The following B3GNT5 variants were observed in gnomAD, a reference collection of about 807,000 sequenced individuals.
B3GNT5 encodes lactosylceramide 1,3-N-acetyl-beta-D-glucosaminyltransferase.
A neutral mutation model predicts 25.9 loss-of-function variants in B3GNT5; 11 were observed. The ratio of observed to expected loss-of-function variants is 0.42; its 90% CI spans 0.27 to 0.70. The LOEUF is 0.70. Ranked by LOEUF, B3GNT5 falls within the 30% of genes least tolerant of loss-of-function variation. The pLI is 0.23. For synonymous variants in B3GNT5, 166 were observed against 158.6 expected (o/e 1.05, Z -0.35); for missense variants, 385 against 458.4 (o/e 0.84, Z 1.46).
chr3:183,260,468 A>T (rs1725481275), intron 1 of B3GNT5, among the ~76,000 whole-genome samples: 1 of 152,104 alleles, frequency 6.6e-6, no homozygotes, highest in Admixed American at 6.5e-5. Context: ...CGAGTGTTTG[A>T]CCTCTCTGAG....
rs777744768 is a variant in B3GNT5, at chr3:183,270,283, T to C, written c.485T>C (p.Val162Ala). Reference sequence around the variant, plus strand: ...AATGATATAATTCAGCAAGACTTTGTTGATTCTTTCTACAATCTTACTCTG... The same window carrying C: ...AATGATATAATTCAGCAAGACTTTGCTGATTCTTTCTACAATCTTACTCTG... The part of the protein sequence containing the change: ...RYNDIIQQDF[V>A]DSFYNLTLKL... The change falls in exon 2 of 2, where the codon GTT (valine) becomes GCT (alanine). Residue 162 changes from valine to alanine, a missense_variant. Physicochemically the swap from Val to Ala is moderately conservative, Grantham distance 64. Transcript: ENST00000326505. This position sits in a 1 kb window ranked among gnomAD's most constrained non-coding sequence, Gnocchi z 4.5. 1.9e-6 allele frequency: 3 copies of C among 1,614,094 alleles called. No individual in the cohort carries two copies. In the African/African-American group the frequency reaches 4.0e-5, roughly 22 times the overall value.
chr3:183,269,229 G>GTTTTTTTTTTTTTTTTTTTTTT, intron 1 of B3GNT5, among the ~76,000 whole-genome samples: 1 of 77,022 alleles, frequency 1.3e-5, no homozygotes, highest in Admixed American at 1.2e-4. Flanking sequence ...CGTTTGGGAA[G>GTTTTTTTTTTTTTTTTTTTTTT]CTTTTTTTTT....
chr3:183,258,647 C>T (rs1333546672), intron 1 of B3GNT5, among the ~76,000 whole-genome samples: 1 of 152,226 alleles, frequency 6.6e-6, no homozygotes, highest in Non-Finnish European at 1.5e-5. Flanking sequence ...CACCACCCCC[C>T]CGCCCCTGAT....
intron 1 of B3GNT5, among the ~76,000 whole-genome samples, chr3:183,256,049 T>C (rs1486723116): frequency 6.6e-6 from 1 of 152,156 alleles, no homozygotes; most frequent in South Asian, 2.1e-4. Context: ...CAGAGGGAAA[T>C]TGTCTCTTCT....
intron 1 of B3GNT5, among the ~76,000 whole-genome samples, chr3:183,257,958 C>CATT (rs779026571): frequency 1.5e-5 from 1 of 64,724 alleles, no homozygotes; most frequent in Non-Finnish European, 2.6e-5. Flanking sequence ...CCACTTCACC[C>CATT]TTTTTTTTTT....
rs374501390 is a variant in B3GNT5, at chr3:183,269,527, G to T, written c.-272G>T. 1.1e-4 allele frequency: 39 copies of T among 364,624 alleles called. No individual in the cohort carries two copies. The highest frequency in any genetic ancestry group is 1.5e-3 in the Middle Eastern group (2 of 1,292). The allele number at this position is 364,624 out of a possible 1,614,324, so 22.6% of individuals were successfully genotyped here. ...CATGGAATATTCACATGGGAGAGCC[G>T]CATGAGGCCGCCCACCACGCTTCCT... On this transcript the variant is annotated 5_prime_UTR_variant, in exon 2 of 2. Coordinates refer to ENST00000326505, the MANE Select transcript of B3GNT5 (RefSeq NM_032047.5).
intron 1 of B3GNT5, among the ~76,000 whole-genome samples, chr3:183,260,693 T>A (rs189934475): frequency 1.3e-5 from 2 of 152,296 alleles, no homozygotes; most frequent in Admixed American, 1.3e-4. Context: ...AGGAAACAGA[T>A]CTACACCCAT....
At chr3:183,254,568 C>G (rs901016044) in intron 1 of B3GNT5, 13 of 152,138 alleles carry the variant, frequency 8.5e-5, no homozygotes, top group African/African-American at 3.1e-4. Flanking sequence ...GTCCCCGTCC[C>G]TGAGGAGCTC....
At chr3:183,255,733 A>T (rs1724981536) in intron 1 of B3GNT5, among the ~76,000 whole-genome samples, 1 of 152,200 alleles carries the variant, frequency 6.6e-6, no homozygotes, top group Non-Finnish European at 1.5e-5. Context: ...TCAAGTAAAA[A>T]ATGAAACATT....
Position 183,270,610 on chromosome 3 carries a change from C to T in B3GNT5, c.812C>T (p.Ala271Val). ...SGDVAAKVYE[A>V]SQTLNSSLYI... is the part of the protein sequence containing the mutation. Reference sequence around the variant, plus strand: ...GATGTAGCTGCCAAAGTCTATGAGGCATCACAGACACTAAATTCAAGTCTT... The same window carrying T: ...GATGTAGCTGCCAAAGTCTATGAGGTATCACAGACACTAAATTCAAGTCTT... The change falls in exon 2 of 2, where the codon GCA (alanine) becomes GTA (valine). Residue 271 changes from alanine (A) to valine (V), a missense_variant. Physicochemically the swap from Ala to Val is moderately conservative, Grantham distance 64. Coordinates refer to ENST00000326505, the MANE Select transcript of B3GNT5 (RefSeq NM_032047.5). This position sits in a 1 kb window ranked among gnomAD's most constrained non-coding sequence, Gnocchi z 4.5. 1 of 1,614,190 alleles carries T rather than the reference C, an allele frequency of 6.2e-7. No homozygotes were observed. The highest frequency in any genetic ancestry group is 8.5e-7 in the Non-Finnish European group (1 of 1,180,040).
intron 1 of B3GNT5, among the ~76,000 whole-genome samples, chr3:183,258,920 A>G (rs1725330358): frequency 1.3e-5 from 2 of 152,186 alleles, no homozygotes; most frequent in South Asian, 4.1e-4. Context: ...TAGATTACTT[A>G]TAATAACTAA....
intron 1 of B3GNT5, among the ~76,000 whole-genome samples, chr3:183,255,366 T>C (rs1457079283): frequency 6.6e-6 from 1 of 152,250 alleles, no homozygotes; most frequent in Non-Finnish European, 1.5e-5. Flanking sequence ...AGGTGAAAGC[T>C]GCTTTTTGGG....
At chr3:183,255,411 A>G (rs1309777780) in intron 1 of B3GNT5, among the ~76,000 whole-genome samples, 1 of 152,244 alleles carries the variant, frequency 6.6e-6, no homozygotes, top group Non-Finnish European at 1.5e-5. Context: ...GCTAAACGCA[A>G]TACCAGAAAG....
intron 1 of B3GNT5, chr3:183,265,723 A>T (rs1435953509): frequency 3.9e-5 from 6 of 152,244 alleles, no homozygotes; most frequent in Non-Finnish European, 7.3e-5. Context: ...ACAAATGAGG[A>T]GTTTTACTTT....
Position 183,269,988 on chromosome 3 carries a change from C to T in B3GNT5, c.190C>T (p.Leu64Phe). 6.2e-7 allele frequency: 1 copy of T among 1,614,110 alleles called. No individual in the cohort carries two copies. The highest frequency in any genetic ancestry group is 8.5e-7 in the Non-Finnish European group (1 of 1,180,012). ...TGACTTTGTGAATGATACCCTGTCT[C>T]TTAAGCACACCTCAGCGGGGCCTCG... is the stretch of plus-strand genomic sequence containing the variant. ...SYDFVNDTLS[L>F]KHTSAGPRYQ... is the part of the protein sequence containing the mutation. The change falls in exon 2 of 2, where the codon CTT becomes TTT. Residue 64 changes from leucine (L) to phenylalanine (F), a missense_variant. Leu to Phe is a conservative substitution (Grantham distance 22). Coordinates refer to ENST00000326505, the MANE Select transcript of B3GNT5 (RefSeq NM_032047.5).
Position 183,270,937 on chromosome 3 carries a change from A to G in B3GNT5, c.*2A>G, listed in dbSNP as rs1726715509. ...CCTTGTAGGGCTGCGTTTATCTAATAGTACTTGAATGTTGTATGTTTTCAC... is the reference window on the plus strand; with the variant it reads ...CCTTGTAGGGCTGCGTTTATCTAATGGTACTTGAATGTTGTATGTTTTCAC... On this transcript the variant is annotated 3_prime_UTR_variant, in exon 2 of 2. Coordinates refer to ENST00000326505, the MANE Select transcript of B3GNT5 (RefSeq NM_032047.5). The surrounding 1 kb of genome is among the most constrained non-coding windows in gnomAD (Gnocchi z 4.5). The G allele has an allele frequency of 1.9e-6, 3 of 1,554,348 alleles. No individual in the cohort carries two copies. The highest frequency in any genetic ancestry group is 2.6e-6 in the Non-Finnish European group (3 of 1,155,480).
intron 1 of B3GNT5, among the ~76,000 whole-genome samples, chr3:183,268,574 A>C (rs1726386228): frequency 6.6e-6 from 1 of 152,198 alleles, no homozygotes; most frequent in Non-Finnish European, 1.5e-5. Context: ...TGTAAAGAGA[A>C]ACAGGAACAG....
At chr3:183,257,489 C>T (rs1725151757) in intron 1 of B3GNT5, among the ~76,000 whole-genome samples, 1 of 152,160 alleles carries the variant, frequency 6.6e-6, no homozygotes, top group Non-Finnish European at 1.5e-5. Context: ...TACGTATTAA[C>T]CTACTTTCAG....
chr3:183,257,891 G>A (rs1334696895), intron 1 of B3GNT5, among the ~76,000 whole-genome samples: 1 of 141,564 alleles, frequency 7.1e-6, no homozygotes, highest in African/African-American at 2.7e-5. Flanking sequence ...TTTCTCTTAT[G>A]TGCTTAAAAA....
Sources: allele counts gnomAD v4.1 joint callset (sites outside exome capture counted in the v4.1 genomes callset), GRCh38; gene constraint gnomAD v4.1.1; non-coding constraint Gnocchi (gnomAD v3.1); transcripts MANE v1.5; gene names NCBI Gene and HGNC (gene_info 2026-07-23, HGNC 2026-07-21).